Variants in SHISA9 observed in about 807,000 individuals in gnomAD.
SHISA9 encodes the protein protein shisa-9.
Under a neutral mutation model 38.0 loss-of-function variants are expected in SHISA9, and 13 were observed. The observed-to-expected ratio is 0.34, with a 90% CI of 0.22 to 0.54. SHISA9 has a LOEUF of 0.54. SHISA9 is among the 20% of genes least tolerant of loss of function. The probability of loss-of-function intolerance (pLI) is 0.91; values close to 1 mark genes in which losing one functional copy is unlikely to be tolerated. For missense variants in SHISA9, 538 were observed against 575.8 expected (o/e 0.93, Z 0.67); for synonymous variants, 275 against 242.0 (o/e 1.14, Z -1.27).
rs562009610 is a variant in SHISA9, at chr16:13,009,981, A to C, written c.691+93166A>C. Among the ~76,000 whole-genome samples, 540 of 152,170 alleles carry C rather than the reference A, an allele frequency of 3.5e-3. 6 individuals are homozygous for C. The highest frequency in any genetic ancestry group is 0.012 in the African/African-American group (518 of 41,534). On this transcript the variant is annotated intron_variant, in intron 2 of 4. Transcript: ENST00000558583. ...CATTTGAGGTCAGGAGTTTGACACC[A>C]GCCTGGATAATATAGAGAGATCCAG...
chr16:13,300,680 G>T, the SHISA9 span, among the ~76,000 whole-genome samples: 1 of 152,258 alleles, frequency 6.6e-6, no homozygotes, highest in South Asian at 2.1e-4. Context: ...AAACGTGCCT[G>T]TGTCACTGAC....
At chr16:13,230,943 C>G (rs1010084614) in intron 4 of SHISA9, among the ~76,000 whole-genome samples, 2 of 152,036 alleles carry the variant, frequency 1.3e-5, no homozygotes, top group Non-Finnish European at 2.9e-5. Context: ...ACTCTCATGG[C>G]CATTTTGGTT....
At chr16:13,349,004 C>T in the SHISA9 span, among the ~76,000 whole-genome samples, 1 of 152,116 alleles carries the variant, frequency 6.6e-6, no homozygotes, top group South Asian at 2.1e-4. Flanking sequence ...CACACCCACT[C>T]TTGACATTTG....
intron 2 of SHISA9, among the ~76,000 whole-genome samples, chr16:13,083,797 G>T (rs578189898): frequency 3.0e-4 from 45 of 152,282 alleles, no homozygotes; most frequent in African/African-American, 1.1e-3. Context: ...TTCCATAGAC[G>T]AAGGTGGCTG....
At chr16:13,445,752 C>T in the SHISA9 span, among the ~76,000 whole-genome samples, 1 of 152,168 alleles carries the variant, frequency 6.6e-6, no homozygotes, top group African/African-American at 2.4e-5. Context: ...ATGGGTTCTA[C>T]TTGAAGCCAG....
At chr16:13,550,221 C>T in the SHISA9 span, among the ~76,000 whole-genome samples, 1 of 151,908 alleles carries the variant, frequency 6.6e-6, no homozygotes, top group Non-Finnish European at 1.5e-5. Context: ...GCATTCACAT[C>T]CCCCTCTCTA....
At chr16:13,300,871 CTCTCCTCT>C in the SHISA9 span, among the ~76,000 whole-genome samples, 1 of 147,206 alleles carries the variant, frequency 6.8e-6, no homozygotes, top group African/African-American at 2.5e-5. Context: ...CTCTCCTCTC[CTCTCCTCT>C]CCCCTTTCTT....
intron 4 of SHISA9, among the ~76,000 whole-genome samples, chr16:13,220,397 C>T (rs559778148): frequency 1.3e-5 from 2 of 152,332 alleles, no homozygotes; most frequent in East Asian, 3.9e-4. Flanking sequence ...CTGTATGTCT[C>T]ATGTCTGCTA....
the SHISA9 span, among the ~76,000 whole-genome samples, chr16:13,505,568 A>G: frequency 6.6e-6 from 1 of 152,166 alleles, no homozygotes; most frequent in Non-Finnish European, 1.5e-5. Context: ...AATGCCAACA[A>G]CACCCACTGC....
the SHISA9 span, among the ~76,000 whole-genome samples, chr16:13,539,526 C>G: frequency 1.3e-5 from 2 of 151,512 alleles, no homozygotes; most frequent in Non-Finnish European, 2.9e-5. Flanking sequence ...TAAGTCTCAG[C>G]AGAAATTTAA....
At chr16:13,533,368 C>A in the SHISA9 span, among the ~76,000 whole-genome samples, 2 of 152,202 alleles carry the variant, frequency 1.3e-5, no homozygotes, top group Admixed American at 6.5e-5. Flanking sequence ...AGAAAACTTA[C>A]ACCAAGCTTA....
At chr16:12,910,379 GAT>G in intron 1 of SHISA9, 2 of 690,362 alleles carry the variant, frequency 2.9e-6, no homozygotes, top group African/African-American at 3.9e-5. Flanking sequence ...TGTGCTGAGA[GAT>G]ATGAGATAAC....
intron 2 of SHISA9, among the ~76,000 whole-genome samples, chr16:13,037,583 A>T (rs551770712): frequency 6.6e-6 from 1 of 152,116 alleles, no homozygotes; most frequent in Non-Finnish European, 1.5e-5. Flanking sequence ...GATTGGGCAA[A>T]ATCCTAGCCT....
intron 2 of SHISA9, among the ~76,000 whole-genome samples, chr16:13,079,501 T>A (rs1226096480): frequency 2.0e-5 from 3 of 152,232 alleles, no homozygotes; most frequent in African/African-American, 7.2e-5. Flanking sequence ...TACTGTTAAG[T>A]GATTTGCGCT....
At chr16:13,141,930 A>G (rs1198970691) in intron 2 of SHISA9, among the ~76,000 whole-genome samples, 2 of 152,200 alleles carry the variant, frequency 1.3e-5, no homozygotes, top group Admixed American at 6.5e-5. Flanking sequence ...CTGGACATTG[A>G]GAACAAGAGT....
chr16:13,031,986 T>C (rs1372385818), intron 2 of SHISA9, among the ~76,000 whole-genome samples: 1 of 151,970 alleles, frequency 6.6e-6, no homozygotes, highest in African/African-American at 2.4e-5. Flanking sequence ...GTGTTGCAAC[T>C]GTCTATCCAA....
intron 1 of SHISA9, among the ~76,000 whole-genome samples, 182 bp from the exon 2 acceptor site, chr16:12,916,506 A>G (rs1025378918): frequency 2.0e-5 from 3 of 152,186 alleles, no homozygotes; most frequent in Admixed American, 6.5e-5. Flanking sequence ...TAAAGTCCCT[A>G]TGTAACCTCT....
chr16:13,200,449 G>A (rs1032221221), intron 2 of SHISA9, among the ~76,000 whole-genome samples: 2 of 106,516 alleles, frequency 1.9e-5, no homozygotes, highest in Non-Finnish European at 4.0e-5. Flanking sequence ...CACAGCAGCA[G>A]CAGCAGCAGC....
Position 12,916,681 on chromosome 16 carries a change from C to G in SHISA9, c.564-7C>G. ...AATGAACAGATTTAAATTCTTTCTT[C>G]TTTCAGGGCCCTTGCGGATGTCATG... On this transcript the variant is annotated splice_region_variant and splice_polypyrimidine_tract_variant and intron_variant, in intron 1 of 4. Coordinates refer to ENST00000558583, the MANE Select transcript of SHISA9 (RefSeq NM_001145204.3). 2 of 1,547,622 alleles carry G rather than the reference C, an allele frequency of 1.3e-6. No individual in the cohort carries two copies. Among genetic ancestry groups the G allele is most frequent in the Middle Eastern group, 1.7e-4 (1 of 5,968 alleles).
Sources: gnomAD v4.1 joint callset for allele counts (sites outside exome capture counted in the v4.1 genomes callset) on GRCh38, gnomAD v4.1.1 for gene constraint, MANE v1.5 for transcripts, NCBI Gene and HGNC (gene_info 2026-07-23, HGNC 2026-07-21) for gene names.